The following SPTLC3 variants were observed in gnomAD, a reference collection of about 807,000 sequenced individuals.
SPTLC3 encodes serine palmitoyltransferase long chain base subunit 3.
SPTLC3 carries 36 observed loss-of-function variants against 59.3 expected under a neutral mutation model. The ratio of observed to expected loss-of-function variants is 0.61; its 90% CI spans 0.47 to 0.80. The LOEUF (loss-of-function observed/expected upper bound fraction) is 0.80. Among genes scored for constraint, SPTLC3 ranks in the 30% least tolerant of loss-of-function variants. The pLI is 0.00. For synonymous variants in SPTLC3, 257 were observed against 240.8 expected, an observed-to-expected ratio of 1.07 and a Z score of -0.62; for missense variants, 625 against 685.1, an observed-to-expected ratio of 0.91 and a Z score of 0.98.
At chr20:13,079,707 T>C (rs1405413180) in intron 4 of SPTLC3, 1 of 465,556 alleles carries the variant, frequency 2.1e-6, no homozygotes, top group Admixed American at 2.4e-5. Context: ...GACCAAACCC[T>C]GCTCAGTTCT....
chr20:13,069,001 G>A (rs1988337820), intron 2 of SPTLC3, among the ~76,000 whole-genome samples: 1 of 152,138 alleles, frequency 6.6e-6, no homozygotes, highest in Non-Finnish European at 1.5e-5. Context: ...AGGTTAGACA[G>A]GATGAAGTAT....
intron 5 of SPTLC3, among the ~76,000 whole-genome samples, chr20:13,093,153 A>C (rs1400660854): frequency 6.6e-6 from 1 of 152,154 alleles, no homozygotes; most frequent in Non-Finnish European, 1.5e-5. Context: ...TTCATAACCC[A>C]CCCAAAAATC....
intron 9 of SPTLC3, among the ~76,000 whole-genome samples, chr20:13,149,365 A>C (rs1368515271): frequency 3.3e-5 from 5 of 152,212 alleles, no homozygotes; most frequent in Admixed American, 3.3e-4. Context: ...CTGCTTTTGC[A>C]AATCACTCTT....
chr20:13,016,327 G>T (rs1568564250), intron 1 of SPTLC3, among the ~76,000 whole-genome samples: 1 of 152,114 alleles, frequency 6.6e-6, no homozygotes, highest in Non-Finnish European at 1.5e-5. Flanking sequence ...TAGTTATTTT[G>T]ATCAGTTTAA....
At chr20:13,023,591 T>C (rs1478967628) in intron 1 of SPTLC3, among the ~76,000 whole-genome samples, 1 of 152,238 alleles carries the variant, frequency 6.6e-6, no homozygotes, top group East Asian at 1.9e-4. Context: ...CAGACTTCTT[T>C]GTAAACTTCA....
At chr20:13,143,762 C>T (rs1035330464) in intron 9 of SPTLC3, among the ~76,000 whole-genome samples, 8 of 152,200 alleles carry the variant, frequency 5.3e-5, no homozygotes, top group African/African-American at 1.2e-4. Context: ...TTCATTTGCA[C>T]GGTTTCTCAG....
intron 10 of SPTLC3, 139 bp from the exon 11 acceptor site, chr20:13,159,864 A>C: frequency 8.4e-7 from 1 of 1,188,520 alleles, no homozygotes; most frequent in Non-Finnish European, 1.1e-6. Flanking sequence ...TAAAAACTTC[A>C]ATCATCTTCC....
intron 9 of SPTLC3, among the ~76,000 whole-genome samples, chr20:13,134,374 A>G (rs2038194791): frequency 6.6e-6 from 1 of 152,136 alleles, no homozygotes. Flanking sequence ...GGCATGTCTA[A>G]TTTTACTCAT....
At chr20:13,163,595 T>C (rs1386515658) in intron 11 of SPTLC3, among the ~76,000 whole-genome samples, 7 of 152,002 alleles carry the variant, frequency 4.6e-5, no homozygotes, top group Admixed American at 4.6e-4. Context: ...GTAGGAAATT[T>C]AGAAAAACAG....
intron 10 of SPTLC3, among the ~76,000 whole-genome samples, chr20:13,158,339 G>T (rs969725580): frequency 5.3e-5 from 8 of 152,108 alleles, no homozygotes; most frequent in African/African-American, 1.9e-4. Flanking sequence ...GTAGTGTAAG[G>T]TTTAAATTCA....
chr20:13,121,258 G>A (rs2037859675), intron 8 of SPTLC3, among the ~76,000 whole-genome samples: 1 of 152,114 alleles, frequency 6.6e-6, no homozygotes, highest in South Asian at 2.1e-4. Flanking sequence ...TAGGTTGCAG[G>A]GCTGGAATTC....
At chr20:13,079,922 C>T in intron 4 of SPTLC3, 2 of 336,062 alleles carry the variant, frequency 6.0e-6, no homozygotes, top group South Asian at 4.5e-5. Flanking sequence ...GCCCTTCAGG[C>T]TTCTCAAGCC....
intron 2 of SPTLC3, among the ~76,000 whole-genome samples, chr20:13,055,548 T>G (rs1453300064): frequency 1.3e-5 from 2 of 152,194 alleles, no homozygotes; most frequent in African/African-American, 4.8e-5. Flanking sequence ...TTCTCAGGTG[T>G]GGCATTTCTT....
chr20:13,021,658 T>C (rs1245912803), intron 1 of SPTLC3, among the ~76,000 whole-genome samples: 1 of 151,372 alleles, frequency 6.6e-6, no homozygotes, highest in African/African-American at 2.4e-5. Flanking sequence ...TTAGATTGTG[T>C]GGTCCAACTC....
At chr20:13,128,395 A>G (rs951106938) in intron 9 of SPTLC3, among the ~76,000 whole-genome samples, 3 of 152,142 alleles carry the variant, frequency 2.0e-5, no homozygotes, top group African/African-American at 7.2e-5. Flanking sequence ...TGTTTGCATC[A>G]CATCTAATAC....
At chr20:13,096,130 T>C (rs1352487659) in intron 6 of SPTLC3, among the ~76,000 whole-genome samples, 1 of 152,186 alleles carries the variant, frequency 6.6e-6, no homozygotes, top group Non-Finnish European at 1.5e-5. Flanking sequence ...ACACCAAATG[T>C]TAGCAAGGCT....
chr20:13,064,144 C>T (rs1470211264), intron 2 of SPTLC3, among the ~76,000 whole-genome samples: 2 of 151,816 alleles, frequency 1.3e-5, no homozygotes, highest in East Asian at 3.9e-4. Context: ...ATTCTCCTGC[C>T]TCAGCCTTCC....
intron 2 of SPTLC3, among the ~76,000 whole-genome samples, chr20:13,068,750 T>A (rs1262214804): frequency 6.8e-6 from 1 of 147,786 alleles, no homozygotes. Flanking sequence ...CTGAGTACTT[T>A]AAAAAAAAAA....
At chr20:13,053,472 T>G (rs1987584957) in intron 2 of SPTLC3, among the ~76,000 whole-genome samples, 1 of 152,012 alleles carries the variant, frequency 6.6e-6, no homozygotes, top group Non-Finnish European at 1.5e-5. Flanking sequence ...AAAACCAGAA[T>G]GCCTCTTCTC....
Sources: allele counts gnomAD v4.1 joint callset (sites outside exome capture counted in the v4.1 genomes callset), GRCh38; gene constraint gnomAD v4.1.1; transcripts MANE v1.5; gene names NCBI Gene and HGNC (gene_info 2026-07-23, HGNC 2026-07-21).